Variants in HDAC4 observed in about 807,000 individuals in gnomAD.
HDAC4 encodes the protein histone deacetylase 4.
HDAC4 carries 16 observed loss-of-function variants against 135.1 expected under a neutral mutation model. That is an observed-to-expected ratio of 0.12 (90% CI 0.08 to 0.18). The LOEUF (loss-of-function observed/expected upper bound fraction) is 0.18. HDAC4 is among the 10% of genes least tolerant of loss of function. HDAC4 has a pLI of 1.00. For synonymous variants in HDAC4, 685 were observed against 653.4 expected, an observed-to-expected ratio of 1.05 and a Z score of -0.74; for missense variants, 1,143 against 1,511.8, an observed-to-expected ratio of 0.76 and a Z score of 4.05.
chr2:239,288,145 T>C (rs2051242860), intron 2 of HDAC4, among the ~76,000 whole-genome samples: 1 of 151,464 alleles, frequency 6.6e-6, no homozygotes. Context: ...CCTGAAGCGC[T>C]AGCAAAGTAT....
intron 4 of HDAC4, among the ~76,000 whole-genome samples, chr2:239,185,752 C>T (rs1200998663): frequency 2.0e-5 from 3 of 152,096 alleles, no homozygotes; most frequent in African/African-American, 4.8e-5. Context: ...AGAGAGAGGC[C>T]GGGCGCAGTG....
intron 6 of HDAC4, chr2:239,162,005 C>T (rs901329331): frequency 1.2e-5 from 5 of 408,706 alleles, no homozygotes; most frequent in African/African-American, 2.0e-5. Flanking sequence ...CTGGCCTCGG[C>T]CCCCCGTCCA....
chr2:239,087,785 T>C (rs575655927), intron 18 of HDAC4, among the ~76,000 whole-genome samples, 171 bp from the exon 19 acceptor site: 1 of 152,220 alleles, frequency 6.6e-6, no homozygotes, highest in African/African-American at 2.4e-5. Flanking sequence ...GCTGGGAGCC[T>C]TTCCGGGAAG....
In HDAC4 at chr2:239,364,924, C is replaced by T. The variant is rs142916006; in HGVS notation, c.-219-12006G>A. Among the ~76,000 whole-genome samples, 161 of 152,238 alleles carry T rather than the reference C, an allele frequency of 1.1e-3. 1 individual carries two copies. The highest frequency in any genetic ancestry group is 1.4e-3 in the Admixed American group (21 of 15,292). On this transcript the variant is annotated intron_variant, in intron 1 of 26. Transcript: ENST00000543185. ...CGGAAAAGAATTCTTTCAGAACCCA[C>T]GAGGGTGCAAACACAGGGTGCAGAT...
chr2:239,145,501 G>C (rs758080691), intron 7 of HDAC4, among the ~76,000 whole-genome samples: 3 of 152,200 alleles, frequency 2.0e-5, no homozygotes, highest in Non-Finnish European at 4.4e-5. Flanking sequence ...CGCGAGGCCC[G>C]CCTTGGGAAG....
At chr2:239,358,271 CAGAT>C (rs1693639785) in intron 1 of HDAC4, among the ~76,000 whole-genome samples, 1 of 152,232 alleles carries the variant, frequency 6.6e-6, no homozygotes, top group African/African-American at 2.4e-5. Context: ...TGTGGACTCA[CAGAT>C]AGTTACGTTA....
At chr2:239,325,176 GA>G (rs2053433881) in intron 2 of HDAC4, among the ~76,000 whole-genome samples, 1 of 152,136 alleles carries the variant, frequency 6.6e-6, no homozygotes, top group African/African-American at 2.4e-5. Flanking sequence ...CATGACCTTG[GA>G]TTTGGCAGTG....
At chr2:239,224,179 G>C (rs2047118576) in intron 3 of HDAC4, among the ~76,000 whole-genome samples, 2 of 152,186 alleles carry the variant, frequency 1.3e-5, no homozygotes, top group South Asian at 4.1e-4. Context: ...TCTGTTTCCT[G>C]CACAGCCCAT....
intron 3 of HDAC4, among the ~76,000 whole-genome samples, chr2:239,200,322 T>C (rs1471999108): frequency 1.3e-5 from 2 of 152,188 alleles, no homozygotes; most frequent in African/African-American, 4.8e-5. Flanking sequence ...GTGATGTCAT[T>C]TTCCCCCAGT....
chr2:239,218,403 C>T (rs1431869019), intron 3 of HDAC4, among the ~76,000 whole-genome samples: 1 of 151,286 alleles, frequency 6.6e-6, no homozygotes, highest in Admixed American at 6.6e-5. Context: ...GCTGGGAAAA[C>T]TGGCTAGCCA....
intron 5 of HDAC4, among the ~76,000 whole-genome samples, chr2:239,170,043 T>C (rs955688234): frequency 6.6e-6 from 1 of 152,156 alleles, no homozygotes; most frequent in African/African-American, 2.4e-5. Flanking sequence ...TGAAAAAACA[T>C]TTAAAGTGCA....
At chr2:239,063,601 C>T (rs13420756) in intron 24 of HDAC4, among the ~76,000 whole-genome samples, 4,846 of 152,232 alleles carry the variant, frequency 0.032, 252 homozygotes, top group African/African-American at 0.11. Flanking sequence ...TTCAGTGGGG[C>T]CCAACAGACC....
chr2:239,129,536 G>C (rs1163369932), intron 11 of HDAC4, among the ~76,000 whole-genome samples: 2 of 152,128 alleles, frequency 1.3e-5, no homozygotes, highest in Non-Finnish European at 2.9e-5. Context: ...GGTTTTTCCA[G>C]CTTCTGCTCT....
At chr2:239,304,993 T>A (rs1435750746) in intron 2 of HDAC4, among the ~76,000 whole-genome samples, 1 of 152,092 alleles carries the variant, frequency 6.6e-6, no homozygotes, top group Non-Finnish European at 1.5e-5. Context: ...AATAGGACAG[T>A]CCCGCGCTTT....
intron 2 of HDAC4, among the ~76,000 whole-genome samples, chr2:239,315,962 T>C (rs2053097483): frequency 6.6e-6 from 1 of 152,182 alleles, no homozygotes; most frequent in South Asian, 2.1e-4. Flanking sequence ...GTGGACAAAC[T>C]GTGAGCAGTT....
At position 239,346,971 on chromosome 2, in the gene HDAC4, G is replaced by A. The variant is rs531457499; in HGVS notation, c.22+5707C>T. Reference sequence around the variant, plus strand: ...CACATTGTGTCTAAAACACACACACGCACCCTAACACACACACCCTGTCTA... The same window carrying A: ...CACATTGTGTCTAAAACACACACACACACCCTAACACACACACCCTGTCTA... On this transcript the variant is annotated intron_variant, in intron 2 of 26. Coordinates refer to ENST00000543185, the MANE Select transcript of HDAC4 (RefSeq NM_001378414.1). Among the ~76,000 whole-genome samples the A allele has an allele frequency of 2.5e-3, 165 of 66,280 alleles. 1 individual carries two copies. Among genetic ancestry groups the A allele is most frequent in the African/African-American group, 6.2e-3 (145 of 23,258 alleles). The allele number at this position is 66,280 out of a possible 152,430, so 43.5% of individuals were successfully genotyped here.
At chr2:239,209,192 A>T (rs984119122) in intron 3 of HDAC4, among the ~76,000 whole-genome samples, 1 of 152,232 alleles carries the variant, frequency 6.6e-6, no homozygotes, top group East Asian at 1.9e-4. Flanking sequence ...GCCCTGAAAG[A>T]CATTTTTAAA....
chr2:239,398,328 G>A (rs533546880), intron 1 of HDAC4, among the ~76,000 whole-genome samples: 145 of 152,180 alleles, frequency 9.5e-4, no homozygotes, highest in Non-Finnish European at 1.4e-3. Flanking sequence ...GCATAAAGTC[G>A]CCTTTCCTTT....
intron 2 of HDAC4, among the ~76,000 whole-genome samples, chr2:239,302,210 A>T (rs35641250): frequency 6.6e-6 from 1 of 152,066 alleles, no homozygotes; most frequent in Non-Finnish European, 1.5e-5. Flanking sequence ...TGATTGGAGA[A>T]CATGGCCCCT....
Sources: allele counts gnomAD v4.1 joint callset (sites outside exome capture counted in the v4.1 genomes callset), GRCh38; gene constraint gnomAD v4.1.1; transcripts MANE v1.5; gene names NCBI Gene and HGNC (gene_info 2026-07-23, HGNC 2026-07-21).